INPP5D: variants seen among roughly 807,000 people sequenced by gnomAD.
The protein encoded by INPP5D is phosphatidylinositol 3,4,5-trisphosphate 5-phosphatase 1.
Under a neutral mutation model 122.9 loss-of-function variants are expected in INPP5D, and 33 were observed. The observed-to-expected ratio is 0.27, with a 90% CI of 0.20 to 0.36. INPP5D has a LOEUF of 0.36. INPP5D is among the 10% of genes least tolerant of loss of function. INPP5D has a pLI of 1.00. For missense variants in INPP5D, 1,053 were observed against 1,412.7 expected (o/e 0.75, Z 4.08); for synonymous variants, 584 against 576.2 (o/e 1.01, Z -0.19).
At chr2:233,174,145 A>G (rs1042487899) in intron 17 of INPP5D, among the ~76,000 whole-genome samples, 3 of 152,250 alleles carry the variant, frequency 2.0e-5, no homozygotes, top group African/African-American at 4.8e-5. Context: ...ACATTTTCTT[A>G]TAAGTAGGAA....
At chr2:233,162,303 AT>A (rs373232324) in intron 11 of INPP5D, among the ~76,000 whole-genome samples, 6 of 151,966 alleles carry the variant, frequency 3.9e-5, no homozygotes, top group Middle Eastern at 3.4e-3. Flanking sequence ...CATAGAAACA[AT>A]TTTTTTTAGT....
intron 16 of INPP5D, 36 bp from the exon 17 acceptor site, chr2:233,171,028 G>A: frequency 6.2e-7 from 1 of 1,609,786 alleles, no homozygotes; most frequent in Non-Finnish European, 8.5e-7. Context: ...CAAAACCTGG[G>A]GAATCAGAAT....
Position 233,169,287 on chromosome 2 carries a change from T to C in INPP5D, c.1556-18T>C. On this transcript the variant is annotated intron_variant, in intron 13 of 26. Transcript: ENST00000445964. ...GTCTGTTTGATATTTTGATTCTTCT[T>C]TCTGCTCTTCTTTTTAGGGAACAAG... is the stretch of plus-strand genomic sequence containing the variant. 9 of 1,584,292 alleles carry C rather than the reference T, an allele frequency of 5.7e-6. No individual in the cohort carries two copies. The highest frequency in any genetic ancestry group is 7.7e-6 in the Non-Finnish European group (9 of 1,164,412).
intron 2 of INPP5D, among the ~76,000 whole-genome samples, chr2:233,084,139 C>G (rs369227595): frequency 5.0e-4 from 76 of 152,362 alleles, no homozygotes; most frequent in African/African-American, 1.7e-3. Flanking sequence ...ACTGCAACCT[C>G]TGCTCCCAGG....
intron 2 of INPP5D, among the ~76,000 whole-genome samples, chr2:233,086,172 T>TCTTC (rs1232093732): frequency 6.7e-6 from 1 of 149,388 alleles, no homozygotes. Context: ...TTTCTTTCTT[T>TCTTC]CTTTCTTTCT....
At chr2:233,117,140 G>T (rs943802282) in intron 2 of INPP5D, among the ~76,000 whole-genome samples, 1 of 152,170 alleles carries the variant, frequency 6.6e-6, no homozygotes, top group Non-Finnish European at 1.5e-5. Flanking sequence ...TTCCTTCTCT[G>T]TTTCAAAATG....
intron 2 of INPP5D, among the ~76,000 whole-genome samples, chr2:233,111,502 G>C (rs1692627723): frequency 6.6e-6 from 1 of 152,118 alleles, no homozygotes; most frequent in African/African-American, 2.4e-5. Flanking sequence ...TCATGACCTT[G>C]GCATTTTTCA....
chr2:233,066,852 C>T (rs58913593), intron 1 of INPP5D, among the ~76,000 whole-genome samples: 19,954 of 152,064 alleles, frequency 0.13, 2,761 homozygotes, highest in African/African-American at 0.33. Context: ...GTTCTTGGCT[C>T]ACTGTAACCT....
chr2:233,139,757 A>G, intron 5 of INPP5D, 85 bp from the exon 6 acceptor site: 2 of 395,948 alleles, frequency 5.1e-6, no homozygotes, highest in Non-Finnish European at 8.9e-6. Context: ...GGGTGCCCTC[A>G]TCTCTGGCTA....
At chr2:233,202,014 A>G (rs1388526483) in intron 25 of INPP5D, among the ~76,000 whole-genome samples, 2 of 151,916 alleles carry the variant, frequency 1.3e-5, no homozygotes, top group African/African-American at 2.4e-5. Flanking sequence ...CCCCTCTCTA[A>G]GTGCAACAGA....
chr2:233,125,097 A>G (rs891814295), intron 3 of INPP5D, among the ~76,000 whole-genome samples: 2 of 152,272 alleles, frequency 1.3e-5, no homozygotes, highest in Non-Finnish European at 2.9e-5. Context: ...GTGTACGTAC[A>G]GAATGAACCT....
chr2:233,148,869 G>A (rs1452381368), intron 9 of INPP5D, among the ~76,000 whole-genome samples: 4 of 152,048 alleles, frequency 2.6e-5, no homozygotes, highest in Non-Finnish European at 5.9e-5. Flanking sequence ...TTATTCTTTA[G>A]TGTCTCAAAG....
intron 2 of INPP5D, among the ~76,000 whole-genome samples, chr2:233,117,002 C>A (rs916564629): frequency 6.6e-6 from 1 of 152,180 alleles, no homozygotes; most frequent in African/African-American, 2.4e-5. Context: ...TGCTAACGGG[C>A]GGAGGCGTTC....
intron 6 of INPP5D, among the ~76,000 whole-genome samples, chr2:233,143,608 T>C (rs1294796278): frequency 2.0e-5 from 3 of 152,238 alleles, no homozygotes; most frequent in African/African-American, 7.2e-5. Flanking sequence ...ACTTTCCTGA[T>C]TGACAATAAC....
chr2:233,196,520 A>G (rs1288484286), intron 24 of INPP5D, among the ~76,000 whole-genome samples: 2 of 152,338 alleles, frequency 1.3e-5, no homozygotes, highest in African/African-American at 4.8e-5. Context: ...AGAGGACACC[A>G]GCAATCATGG....
intron 1 of INPP5D, among the ~76,000 whole-genome samples, chr2:233,079,035 C>T (rs1691601820): frequency 6.6e-6 from 1 of 152,076 alleles, no homozygotes; most frequent in Non-Finnish European, 1.5e-5. Context: ...TAAGAAAGCC[C>T]CTCCATGTGG....
intron 2 of INPP5D, among the ~76,000 whole-genome samples, chr2:233,098,455 C>G (rs1692210061): frequency 6.6e-6 from 1 of 152,194 alleles, no homozygotes; most frequent in African/African-American, 2.4e-5. Flanking sequence ...CCAGGAAACT[C>G]TCAGGCCACA....
In INPP5D at chr2:233,189,907, A is replaced by G. The variant is rs367577329; in HGVS notation, c.2416A>G (p.Ile806Val). 6.7e-5 allele frequency: 108 copies of G among 1,613,452 alleles called. No homozygotes were observed. The African/African-American group carries it at 1.2e-3, about 18-fold the overall frequency. The change falls in exon 22 of 27, where the codon ATC becomes GTC. Residue 806 changes from isoleucine (I) to valine (V), a missense_variant. Ile to Val is a conservative substitution (Grantham distance 29, BLOSUM62 3). Around this residue, in one of 6 missense-constraint regions of INPP5D, gnomAD observed 258 missense variants for 439.1 expected, o/e 0.59. Transcript: ENST00000445964. This position sits in a 1 kb window ranked among gnomAD's most constrained non-coding sequence, Gnocchi z 5.6. ...GCTAGACCAGCACATCCTCATCAGC[A>G]TCAAGTCCTCTGACAGCGACGAATC... Reference protein sequence around the residue: ...YLLDQHILISIKSSDSDESYG... With the variant: ...YLLDQHILISVKSSDSDESYG...
chr2:233,171,997 C>T (rs570872329), intron 17 of INPP5D, among the ~76,000 whole-genome samples: 30 of 152,244 alleles, frequency 2.0e-4, no homozygotes, highest in African/African-American at 6.5e-4. Context: ...AAGAACTGGA[C>T]GTGGGAGAGG....
Sources: gnomAD v4.1 joint callset for allele counts (sites outside exome capture counted in the v4.1 genomes callset) on GRCh38, gnomAD v4.1.1 for gene constraint, gnomAD v4.1.1 regional missense constraint, Gnocchi (gnomAD v3.1) non-coding constraint, MANE v1.5 for transcripts, NCBI Gene and HGNC (gene_info 2026-07-23, HGNC 2026-07-21) for gene names.